INSIG2: variants seen among roughly 807,000 people sequenced by gnomAD.
INSIG2 encodes insulin-induced gene 2 protein.
Under a neutral mutation model 27.2 loss-of-function variants are expected in INSIG2, and 10 were observed. That is an observed-to-expected ratio of 0.37 (90% CI 0.23 to 0.62). INSIG2 has a LOEUF of 0.62. Among genes scored for constraint, INSIG2 ranks in the 20% least tolerant of loss-of-function variants. The probability of loss-of-function intolerance (pLI) is 0.65; values close to 1 mark genes in which losing one functional copy is unlikely to be tolerated. For missense variants in INSIG2, 178 were observed against 270.2 expected (o/e 0.66, Z 2.39); for synonymous variants, 97 against 95.8 (o/e 1.01, Z -0.07).
rs539124577 is a variant in INSIG2, at chr2:118,089,044, G to T, written c.-139+503G>T. 3.3e-5 allele frequency among the ~76,000 whole-genome samples: 5 copies of T among 152,196 alleles called. No individual in the cohort carries two copies. In the South Asian group the frequency reaches 1.0e-3, roughly 32 times the overall value. On this transcript the variant is annotated intron_variant, in intron 1 of 5. Transcript: ENST00000245787. ...TGAGGAGTAATACTCTGGCATTTTT[G>T]ACTGGAATTGGTTACCTATGGAATA... is the stretch of plus-strand genomic sequence containing the variant.
At chr2:118,101,127 T>C (rs1678535320) in intron 2 of INSIG2, among the ~76,000 whole-genome samples, 1 of 152,198 alleles carries the variant, frequency 6.6e-6, no homozygotes, top group Admixed American at 6.5e-5. Flanking sequence ...GGCCCAGACA[T>C]ACTCTGTTGA....
chr2:118,103,244 C>T lies in INSIG2; in HGVS notation c.292C>T (p.Pro98Ser). The change falls in exon 3 of 6, where the codon CCA (proline) becomes TCA (serine). Residue 98 changes from proline (P) to serine (S), a missense_variant. Transcript: ENST00000245787. ...CTGCATTGACAGACATCTAGGAGAA[C>T]CACATAAATTTAAAAGAGAGTGGTC... The part of the protein sequence containing the change: ...YPCIDRHLGE[P>S]HKFKREWSSV... 6.2e-7 allele frequency: 1 copy of T among 1,613,744 alleles called. No homozygotes were observed. Among genetic ancestry groups the T allele is most frequent in the South Asian group, 1.1e-5 (1 of 91,062 alleles).
chr2:118,097,294 TTTAAG>T (rs2104528375), intron 2 of INSIG2, among the ~76,000 whole-genome samples: 1 of 152,320 alleles, frequency 6.6e-6, no homozygotes, highest in Admixed American at 6.5e-5. Context: ...TAAGTGTTAT[TTTAAG>T]TTATTTGGAT....
rs1048881728 is a variant in INSIG2, at chr2:118,110,915, A to G, written c.*2593A>G. ...TCTTTAAGGCCATTGGGACCTCTCA[A>G]TGATGCATATGTTTCATACATCTTG... On this transcript the variant is annotated 3_prime_UTR_variant, in exon 6 of 6. Coordinates refer to ENST00000245787, the MANE Select transcript of INSIG2 (RefSeq NM_016133.4). 6 of 152,218 alleles carry G rather than the reference A, an allele frequency of 3.9e-5. No individual in the cohort carries two copies. Among genetic ancestry groups the G allele is most frequent in the Non-Finnish European group, 5.9e-5 (4 of 68,036 alleles). 9.4% of individuals were successfully genotyped at this position (152,218 alleles called of 1,614,324 possible). A position where few individuals can be genotyped will look rare whatever the true frequency, so the allele number is the denominator to read the frequency against.
chr2:118,094,098 TGATGATGAG>T (rs1271276993), intron 1 of INSIG2, among the ~76,000 whole-genome samples: 2 of 79,144 alleles, frequency 2.5e-5, no homozygotes, highest in African/African-American at 9.3e-5. Context: ...CAGATGATGA[TGATGATGAG>T]GAGGAGGAGG....
At position 118,108,277 on chromosome 2, in the gene INSIG2, G is replaced by T. The variant is rs1254216012; in HGVS notation, c.637-4G>T. On this transcript the variant is annotated splice_polypyrimidine_tract_variant and splice_region_variant and intron_variant, in intron 5 of 5. Coordinates refer to ENST00000245787, the MANE Select transcript of INSIG2 (RefSeq NM_016133.4). ...TTAACCTTTTAACCTTTTAATTTTT[G>T]CAGTACGAATGTAAAGTTATCGCAG... 4 of 1,582,498 alleles carry T rather than the reference G, an allele frequency of 2.5e-6. No homozygotes were observed. Among genetic ancestry groups the T allele is most frequent in the Non-Finnish European group, 3.4e-6 (4 of 1,162,870 alleles).
chr2:118,090,459 ACT>A (rs1373818342), intron 1 of INSIG2, among the ~76,000 whole-genome samples: 9 of 152,076 alleles, frequency 5.9e-5, no homozygotes, highest in Non-Finnish European at 8.8e-5. Context: ...ATCACTTATA[ACT>A]CTTTTTTAAC....
chr2:118,100,058 G>A (rs1190796233), intron 2 of INSIG2, among the ~76,000 whole-genome samples: 1 of 151,980 alleles, frequency 6.6e-6, no homozygotes, highest in Non-Finnish European at 1.5e-5. Context: ...AGTCTTTCTG[G>A]ACCCTGCAGC....
chr2:118,088,691 G>C (rs1161198418), intron 1 of INSIG2, 150 bp downstream of exon 1: 2 of 152,852 alleles, frequency 1.3e-5, no homozygotes, highest in African/African-American at 4.8e-5. Context: ...GACCACTGAT[G>C]GGCCTGCAGG....
In INSIG2 at chr2:118,096,707, A is replaced by G. The variant is rs150499979; in HGVS notation, c.151A>G (p.Ile51Val). ...FLALVLNLLQ[I>V]QRNVTLFPPD... ...TGCATTAGTGTTAAATTTACTTCAG[A>G]TTCAGAGAAATGTGACGCTCTTTCC... The change falls in exon 2 of 6, where the codon ATT becomes GTT. Residue 51 changes from isoleucine (I) to valine (V), a missense_variant. By Grantham distance (29) the Ile-to-Val change is conservative. Transcript: ENST00000245787. 8 of 1,613,962 alleles carry G rather than the reference A, an allele frequency of 5.0e-6. No homozygotes were observed. The South Asian group carries it at 6.6e-5, about 13-fold the overall frequency.
In INSIG2 at chr2:118,109,972, A is replaced by G. The variant is rs1678774967; in HGVS notation, c.*1650A>G. On this transcript the variant is annotated 3_prime_UTR_variant, in exon 6 of 6. Transcript: ENST00000245787. ...AAGTTATAAGGTCTATGATGTGTTT[A>G]CTTTAAAAATTGCTGTTAAAAGCAA... is the stretch of plus-strand genomic sequence containing the variant. 1 of 152,600 alleles carries G rather than the reference A, an allele frequency of 6.6e-6. No homozygotes were observed. Among genetic ancestry groups the G allele is most frequent in the East Asian group, 1.9e-4 (1 of 5,196 alleles). The allele number at this position is 152,600 out of a possible 1,614,324, so 9.5% of individuals were successfully genotyped here.
chr2:118,102,249 C>T (rs1678565351), intron 2 of INSIG2, among the ~76,000 whole-genome samples: 1 of 152,144 alleles, frequency 6.6e-6, no homozygotes, highest in Non-Finnish European at 1.5e-5. Context: ...ATTAAATAGT[C>T]TTTTTAATAA....
At position 118,096,614 on chromosome 2, in the gene INSIG2, T is replaced by C. The variant is rs1280651218; in HGVS notation, c.58T>C (p.Ser20Pro). The change falls in exon 2 of 6, where the codon TCT becomes CCT. Residue 20 changes from serine to proline, a missense_variant. Coordinates refer to ENST00000245787, the MANE Select transcript of INSIG2 (RefSeq NM_016133.4). The part of the protein sequence containing the change: ...GPKKCGPYIS[S>P]VTSQSVNLMI... Reference sequence around the variant, plus strand: ...CAAAAAGTGTGGCCCATATATTTCATCTGTCACTAGCCAGAGTGTGAACTT... The same window carrying C: ...CAAAAAGTGTGGCCCATATATTTCACCTGTCACTAGCCAGAGTGTGAACTT... The C allele has an allele frequency of 1.2e-6, 2 of 1,614,044 alleles. No individual in the cohort carries two copies. The highest frequency in any genetic ancestry group is 1.1e-5 in the South Asian group (1 of 91,078).
At chr2:118,091,574 G>A (rs1171323828) in intron 1 of INSIG2, among the ~76,000 whole-genome samples, 1 of 152,014 alleles carries the variant, frequency 6.6e-6, no homozygotes, top group Non-Finnish European at 1.5e-5. Flanking sequence ...TTTCGCATGG[G>A]GGTCTCATAC....
intron 1 of INSIG2, chr2:118,088,775 G>A (rs1342095649): frequency 6.5e-6 from 1 of 152,986 alleles, no homozygotes. Context: ...AGGGGGTATA[G>A]GAGGGGTCGA....
At chr2:118,102,983 T>C (rs1313717216) in intron 2 of INSIG2, among the ~76,000 whole-genome samples, 2 of 152,198 alleles carry the variant, frequency 1.3e-5, no homozygotes, top group African/African-American at 2.4e-5. Flanking sequence ...TTGTAATCAT[T>C]TGCAATACTT....
chr2:118,104,554 A>G (rs1466946907), intron 3 of INSIG2, among the ~76,000 whole-genome samples: 10 of 152,232 alleles, frequency 6.6e-5, no homozygotes, highest in Admixed American at 6.5e-4. Context: ...AAAAGTTAAA[A>G]TCATATACTA....
intron 1 of INSIG2, among the ~76,000 whole-genome samples, chr2:118,094,945 T>C (rs1437372811): frequency 1.3e-5 from 2 of 152,252 alleles, no homozygotes; most frequent in Non-Finnish European, 2.9e-5. Context: ...CTTTACCCTA[T>C]ATGGTTTGAT....
chr2:118,108,936 GT>G lies in INSIG2; in HGVS notation c.*616del, dbSNP rs1469879531. 1 of 152,112 alleles carries G rather than the reference GT, an allele frequency of 6.6e-6. No individual in the cohort carries two copies. The highest frequency in any genetic ancestry group is 1.5e-5 in the Non-Finnish European group (1 of 68,034). The allele number at this position is 152,112 out of a possible 1,614,324, so 9.4% of individuals were successfully genotyped here. A position where few individuals can be genotyped will look rare whatever the true frequency, so the allele number is the denominator to read the frequency against. ...AATGAACTTCTGGTTTCAAACCTGC[GT>G]TACTGGAGACAGCCCAAAGAGTAAT... On this transcript the variant is annotated 3_prime_UTR_variant, in exon 6 of 6. Coordinates refer to ENST00000245787, the MANE Select transcript of INSIG2 (RefSeq NM_016133.4).
Sources: gnomAD v4.1 joint callset for allele counts (sites outside exome capture counted in the v4.1 genomes callset) on GRCh38, gnomAD v4.1.1 for gene constraint, MANE v1.5 for transcripts, NCBI Gene and HGNC (gene_info 2026-07-23, HGNC 2026-07-21) for gene names.